LRRIQ1: variants seen among roughly 807,000 people sequenced by gnomAD.
LRRIQ1 encodes the protein leucine-rich repeat- and IQ domain-containing protein 1.
LRRIQ1 carries 210 observed loss-of-function variants against 211.9 expected under a neutral mutation model. The ratio of observed to expected loss-of-function variants is 0.99; its 90% CI spans 0.89 to 1.11. The LOEUF is 1.11. LRRIQ1 is among the 50% of genes most tolerant of loss of function. LRRIQ1 has a pLI of 0.00. For synonymous variants in LRRIQ1, 699 were observed against 650.1 expected, an observed-to-expected ratio of 1.08 and a Z score of -1.14; for missense variants, 2,136 against 1,939.5, an observed-to-expected ratio of 1.10 and a Z score of -1.90.
chr12:85,087,602 C>G (rs1161603019), intron 11 of LRRIQ1, among the ~76,000 whole-genome samples: 1 of 152,128 alleles, frequency 6.6e-6, no homozygotes, highest in Non-Finnish European at 1.5e-5. Context: ...CTCTCCAGCA[C>G]CTGTTGTTTC....
At chr12:85,131,464 C>T (rs1235566362) in intron 18 of LRRIQ1, among the ~76,000 whole-genome samples, 1 of 152,060 alleles carries the variant, frequency 6.6e-6, no homozygotes, top group East Asian at 1.9e-4. Context: ...AGCACTTACC[C>T]TACCCCACTT....
chr12:85,065,108 A>G (rs1298231031), intron 8 of LRRIQ1, among the ~76,000 whole-genome samples, 154 bp from the exon 9 acceptor site: 1 of 151,940 alleles, frequency 6.6e-6, no homozygotes, highest in Non-Finnish European at 1.5e-5. Context: ...GAGGCCAGAT[A>G]GCTTAACAAA....
At chr12:85,247,442 T>C (rs929806415), downstream of LRRIQ1, among the ~76,000 whole-genome samples, 1 of 151,746 alleles carries the variant, frequency 6.6e-6, no homozygotes, top group Admixed American at 6.6e-5. Context: ...TATTTCTCTT[T>C]TAGTGTTGTT....
intron 4 of LRRIQ1, 69 bp from the exon 5 acceptor site, chr12:85,045,951 T>TATACCAAGAATTTTAATGTAC: frequency 1.3e-6 from 1 of 755,270 alleles, no homozygotes; most frequent in Non-Finnish European, 2.1e-6. Flanking sequence ...ATTTAATGTA[T>TATACCAAGAATTTTAATGTAC]TATTAAAACG....
In LRRIQ1 at chr12:85,104,091, A is replaced by C; in HGVS notation, c.3283+14A>C. ...ATTGTCTTTCTGGTAAGTTTAGCATAATATATATATTTTAATAATAGACTT... is the reference window on the plus strand; with the variant it reads ...ATTGTCTTTCTGGTAAGTTTAGCATCATATATATATTTTAATAATAGACTT... On this transcript the variant is annotated intron_variant, in intron 14 of 26. Transcript: ENST00000393217. 1.5e-6 allele frequency: 2 copies of C among 1,327,640 alleles called. No individual in the cohort carries two copies. The highest frequency in any genetic ancestry group is 1.0e-6 in the Non-Finnish European group (1 of 992,918). The allele number at this position is 1,327,640 out of a possible 1,614,324, so 82.2% of individuals were successfully genotyped here. A position where few individuals can be genotyped will look rare whatever the true frequency, so the allele number is the denominator to read the frequency against.
exon 2 of LRRIQ1, chr12:85,263,928 CTG>C (rs1015024765): frequency 6.6e-6 from 1 of 152,086 alleles, no homozygotes; most frequent in South Asian, 2.1e-4. Context: ...TTACAAAATG[CTG>C]TGTTTACACT....
At chr12:85,067,884 C>T (rs538635950) in intron 10 of LRRIQ1, among the ~76,000 whole-genome samples, 1 of 151,866 alleles carries the variant, frequency 6.6e-6, no homozygotes, top group Admixed American at 6.6e-5. Flanking sequence ...ATCTCTTCTT[C>T]CCCTTTATTG....
At chr12:85,179,768 C>A (rs1332489850) in intron 24 of LRRIQ1, among the ~76,000 whole-genome samples, 1 of 151,918 alleles carries the variant, frequency 6.6e-6, no homozygotes, top group East Asian at 1.9e-4. Flanking sequence ...AGATAAATGT[C>A]ATTTCATCTG....
downstream of LRRIQ1, among the ~76,000 whole-genome samples, chr12:85,267,290 T>C (rs975329772): frequency 6.6e-6 from 1 of 152,060 alleles, no homozygotes; most frequent in Non-Finnish European, 1.5e-5. Flanking sequence ...TAATACTGTA[T>C]TTTATTTAAT....
chr12:85,251,005 T>TAGATTATATATTATATTATATA (rs1476861925), intron 1 of LRRIQ1, among the ~76,000 whole-genome samples: 60 of 120,596 alleles, frequency 5.0e-4, no homozygotes, highest in Non-Finnish European at 8.5e-4. Flanking sequence ...TTATATATAA[T>TAGATTATATATTATATTATATA]ATATATACCT....
intron 16 of LRRIQ1, 23 bp from the exon 17 acceptor site, chr12:85,124,047 G>T (rs774416125): frequency 1.3e-6 from 2 of 1,547,368 alleles, no homozygotes; most frequent in Non-Finnish European, 1.8e-6. Context: ...CTTATTAAAT[G>T]TTCTCATCAT....
intron 11 of LRRIQ1, among the ~76,000 whole-genome samples, chr12:85,088,502 T>TGGGG (rs1315328576): frequency 2.6e-5 from 4 of 152,334 alleles, no homozygotes; most frequent in African/African-American, 9.6e-5. Context: ...GGTAGCTTGA[T>TGGGG]GGGGATAGCA....
chr12:85,229,721 G>A, intron 25 of LRRIQ1, 72 bp downstream of exon 25: 1 of 1,482,740 alleles, frequency 6.7e-7, no homozygotes, highest in Non-Finnish European at 9.2e-7. Flanking sequence ...TAGGTTAATT[G>A]TGCTAAAACA....
chr12:85,060,543 C>T (rs1359363008), intron 8 of LRRIQ1, among the ~76,000 whole-genome samples: 1 of 151,836 alleles, frequency 6.6e-6, no homozygotes, highest in Non-Finnish European at 1.5e-5. Flanking sequence ...ATCAAGAAGT[C>T]TCACTTCTCT....
rs192564318 is a variant in LRRIQ1, at chr12:85,103,652, T to C, written c.3210-352T>C. On this transcript the variant is annotated intron_variant, in intron 13 of 26. Coordinates refer to ENST00000393217, the MANE Select transcript of LRRIQ1 (RefSeq NM_001079910.2). ...CTTTGTAAATTTGGCCTTATATGAATACAAAACAAAATAATCAGAAGAAAA... is the reference window on the plus strand; with the variant it reads ...CTTTGTAAATTTGGCCTTATATGAACACAAAACAAAATAATCAGAAGAAAA... 4.0e-4 allele frequency among the ~76,000 whole-genome samples: 61 copies of C among 151,278 alleles called. No homozygotes were observed. The East Asian group carries it at 6.6e-3, about 16-fold the overall frequency.
intron 1 of LRRIQ1, among the ~76,000 whole-genome samples, chr12:85,261,300 T>C (rs548755450): frequency 3.5e-4 from 53 of 152,324 alleles, no homozygotes; most frequent in African/African-American, 1.1e-3. Flanking sequence ...TGGAGGTTCA[T>C]TAACTCCTTT....
intron 24 of LRRIQ1, among the ~76,000 whole-genome samples, chr12:85,166,546 A>C (rs533415167): frequency 9.0e-4 from 137 of 152,344 alleles, no homozygotes; most frequent in Non-Finnish European, 1.6e-3. Context: ...TAGAATTATA[A>C]GCATTTTCTC....
chr12:85,114,678 A>T (rs899895959), intron 15 of LRRIQ1, among the ~76,000 whole-genome samples: 1 of 152,058 alleles, frequency 6.6e-6, no homozygotes, highest in Admixed American at 6.5e-5. Context: ...AATAATATTT[A>T]TAAGTATGAA....
At chr12:85,147,237 T>C (rs1316417617) in intron 19 of LRRIQ1, among the ~76,000 whole-genome samples, 2 of 151,720 alleles carry the variant, frequency 1.3e-5, no homozygotes, top group African/African-American at 4.8e-5. Flanking sequence ...AGGTGTAGTG[T>C]AGTCAATTTT....
Sources: gnomAD v4.1 joint callset for allele counts (sites outside exome capture counted in the v4.1 genomes callset) on GRCh38, gnomAD v4.1.1 for gene constraint, MANE v1.5 for transcripts, NCBI Gene and HGNC (gene_info 2026-07-23, HGNC 2026-07-21) for gene names.